Variants in MAPKAP1 observed in about 807,000 individuals in gnomAD.
The protein encoded by MAPKAP1 is target of rapamycin complex 2 subunit MAPKAP1.
MAPKAP1 carries 20 observed loss-of-function variants against 65.7 expected under a neutral mutation model. The observed-to-expected ratio is 0.30, with a 90% CI of 0.21 to 0.44. The LOEUF (loss-of-function observed/expected upper bound fraction) is 0.44, where lower values mean the gene tolerates loss of function less well. Among genes scored for constraint, MAPKAP1 ranks in the 20% least tolerant of loss-of-function variants. The pLI, the probability that MAPKAP1 is intolerant of heterozygous loss-of-function variation, is 1.00. For missense variants in MAPKAP1, 423 were observed against 648.0 expected, an observed-to-expected ratio of 0.65 and a Z score of 3.77; for synonymous variants, 222 against 244.3, an observed-to-expected ratio of 0.91 and a Z score of 0.85.
intron 10 of MAPKAP1, among the ~76,000 whole-genome samples, chr9:125,448,802 T>C (rs10986762): frequency 0.74 from 112,320 of 151,994 alleles, 41,936 homozygotes; most frequent in African/African-American, 0.85. Flanking sequence ...GTTAGGAGTT[T>C]GAGACCAGCC....
At chr9:125,530,756 C>T (rs532073010) in intron 7 of MAPKAP1, among the ~76,000 whole-genome samples, 1 of 152,344 alleles carries the variant, frequency 6.6e-6, no homozygotes, top group South Asian at 2.1e-4. Context: ...AAGGTAAAAA[C>T]TTTCTATAGA....
intron 5 of MAPKAP1, chr9:125,567,980 T>C (rs1831111748): frequency 6.6e-6 from 1 of 152,140 alleles, no homozygotes; most frequent in South Asian, 2.1e-4. Flanking sequence ...GGAGCACTGA[T>C]TGGACAACTT....
At position 125,439,134 on chromosome 9, in the gene MAPKAP1, G is replaced by A. The variant is rs1030839345; in HGVS notation, c.1444-122C>T. 1.0e-5 allele frequency: 11 copies of A among 1,091,468 alleles called. No homozygotes were observed. Among genetic ancestry groups the A allele is most frequent in the Middle Eastern group, 3.1e-4 (1 of 3,244 alleles). The allele number at this position is 1,091,468 out of a possible 1,614,324, so 67.6% of individuals were successfully genotyped here. A position where few individuals can be genotyped will look rare whatever the true frequency, so the allele number is the denominator to read the frequency against. Reference sequence around the variant, plus strand: ...GGGTGCCTCAGGGCCAGGTGCTGTCGTGTGGAAGGAGTCCAGTCATCACAG... The same window carrying A: ...GGGTGCCTCAGGGCCAGGTGCTGTCATGTGGAAGGAGTCCAGTCATCACAG... On this transcript the variant is annotated intron_variant, in intron 11 of 11. Transcript: ENST00000265960. The surrounding 1 kb of genome is among the most constrained non-coding windows in gnomAD (Gnocchi z 4.0).
intron 9 of MAPKAP1, among the ~76,000 whole-genome samples, chr9:125,483,212 A>G (rs1854381633): frequency 6.6e-6 from 1 of 152,204 alleles, no homozygotes; most frequent in South Asian, 2.1e-4. Context: ...TGATATTCCC[A>G]TTCAAGCAGG....
intron 10 of MAPKAP1, among the ~76,000 whole-genome samples, chr9:125,452,981 C>A (rs571880992): frequency 1.3e-5 from 2 of 152,080 alleles, no homozygotes; most frequent in African/African-American, 4.8e-5. Context: ...AATAATACAC[C>A]CATTACAAAT....
chr9:125,537,878 T>C (rs989539279), intron 7 of MAPKAP1, among the ~76,000 whole-genome samples: 1 of 152,216 alleles, frequency 6.6e-6, no homozygotes, highest in Admixed American at 6.5e-5. Context: ...TTATGGAGAC[T>C]GACCCTGCTG....
rs142689720 is a variant in MAPKAP1, at chr9:125,672,133, C to T, written c.259+183G>A. 3.9e-5 allele frequency among the ~76,000 whole-genome samples: 6 copies of T among 152,236 alleles called. No individual in the cohort carries two copies. The East Asian group carries it at 9.6e-4, about 24-fold the overall frequency. ...CTACTTCTAATAATATTCTAGAGGCCCTCTCCATTCGCAGTCGCAGAGATG... is the reference window on the plus strand; with the variant it reads ...CTACTTCTAATAATATTCTAGAGGCTCTCTCCATTCGCAGTCGCAGAGATG... On this transcript the variant is annotated intron_variant, in intron 2 of 11. Coordinates refer to ENST00000265960, the MANE Select transcript of MAPKAP1 (RefSeq NM_001006617.3).
Position 125,622,887 on chromosome 9 carries a change from G to C in MAPKAP1, c.498+34764C>G, listed in dbSNP as rs532226475. On this transcript the variant is annotated intron_variant, in intron 4 of 11. Coordinates refer to ENST00000265960, the MANE Select transcript of MAPKAP1 (RefSeq NM_001006617.3). ...AGCTGGACTGTACTGCTGCCATCTC[G>C]GCTCACTGCAACCTCCCTGCCTGAT... Among the ~76,000 whole-genome samples, 1,102 of 152,080 alleles carry C rather than the reference G, an allele frequency of 7.2e-3. 5 individuals carry two copies. Among genetic ancestry groups the C allele is most frequent in the Non-Finnish European group, 0.011 (760 of 67,974 alleles).
At chr9:125,608,810 A>T (rs946947096) in intron 4 of MAPKAP1, among the ~76,000 whole-genome samples, 1 of 152,230 alleles carries the variant, frequency 6.6e-6, no homozygotes, top group African/African-American at 2.4e-5. Flanking sequence ...CAAACGTTTC[A>T]AATAAGCCAA....
chr9:125,646,750 A>C (rs942241199), intron 4 of MAPKAP1, among the ~76,000 whole-genome samples: 2 of 152,262 alleles, frequency 1.3e-5, no homozygotes, highest in Non-Finnish European at 2.9e-5. Flanking sequence ...TAGGAAGAGA[A>C]AATGAAAGTC....
chr9:125,594,954 A>G (rs1279588177), intron 4 of MAPKAP1, among the ~76,000 whole-genome samples: 2 of 152,226 alleles, frequency 1.3e-5, no homozygotes, highest in African/African-American at 4.8e-5. Flanking sequence ...AAATATCCCC[A>G]GCACCTAACA....
At chr9:125,578,963 C>T (rs1831533751) in intron 5 of MAPKAP1, among the ~76,000 whole-genome samples, 2 of 152,176 alleles carry the variant, frequency 1.3e-5, no homozygotes, top group African/African-American at 4.8e-5. Context: ...GCATAGTAAG[C>T]AGCCAAATAT....
intron 7 of MAPKAP1, among the ~76,000 whole-genome samples, chr9:125,541,117 C>T (rs1021942862): frequency 2.0e-5 from 3 of 152,146 alleles, no homozygotes; most frequent in African/African-American, 7.2e-5. Flanking sequence ...ATAAATAACG[C>T]AGATCACTGT....
At chr9:125,459,769 A>T in intron 10 of MAPKAP1, among the ~76,000 whole-genome samples, 1 of 145,448 alleles carries the variant, frequency 6.9e-6, no homozygotes, top group African/African-American at 2.5e-5. Context: ...GCAGCAGTAC[A>T]GTCCAGCTTC....
intron 7 of MAPKAP1, among the ~76,000 whole-genome samples, chr9:125,534,410 G>A (rs750717985): frequency 5.9e-5 from 9 of 152,058 alleles, no homozygotes; most frequent in Non-Finnish European, 1.3e-4. Context: ...CAGGAGATCT[G>A]GCCACAGATC....
At chr9:125,445,774 T>C (rs1309520553) in intron 10 of MAPKAP1, among the ~76,000 whole-genome samples, 1 of 152,260 alleles carries the variant, frequency 6.6e-6, no homozygotes, top group African/African-American at 2.4e-5. Context: ...ATCCTTGGGT[T>C]CTAGGAGACT....
At position 125,585,683 on chromosome 9, in the gene MAPKAP1, G is replaced by T. The variant is rs1244553500; in HGVS notation, c.543C>A (p.Leu181=). 5 of 1,614,216 alleles carry T rather than the reference G, an allele frequency of 3.1e-6. No individual in the cohort carries two copies. The highest frequency in any genetic ancestry group is 4.2e-6 in the Non-Finnish European group (5 of 1,180,048). Residue 181 remains leucine (L), a synonymous_variant, in exon 5 of 12, where the codon CTC becomes CTA. Transcript: ENST00000265960. ...TTATKKIDVY[L]PLHSSQDRLL... is the part of the protein sequence containing the mutation. ...GTCTGTCCTGGCTCGAGTGCAGAGG[G>T]AGGTAGACATCGATCTTCTTGGTTG...
At position 125,437,748 on chromosome 9, in the gene MAPKAP1, A is replaced by T. The variant is rs992779570; in HGVS notation, c.*1139T>A. ...TTCTAATGCAGGTCCTCAGTGAAAC[A>T]CCGGTCCCCGGCCCTGGCTGGGGAC... On this transcript the variant is annotated 3_prime_UTR_variant, in exon 12 of 12. Coordinates refer to ENST00000265960, the MANE Select transcript of MAPKAP1 (RefSeq NM_001006617.3). 2 of 152,288 alleles carry T rather than the reference A, an allele frequency of 1.3e-5. No homozygotes were observed. Among genetic ancestry groups the T allele is most frequent in the Non-Finnish European group, 2.9e-5 (2 of 68,048 alleles). 9.4% of individuals were successfully genotyped at this position (152,288 alleles called of 1,614,324 possible).
rs148090281 is a variant in MAPKAP1, at chr9:125,685,160, T to C, written c.-69-12517A>G. Among the ~76,000 whole-genome samples the C allele has an allele frequency of 4.0e-3, 612 of 152,034 alleles. 3 individuals are homozygous for C. Among genetic ancestry groups the C allele is most frequent in the African/African-American group, 0.014 (567 of 41,468 alleles). ...AGAAAACACAGCAGAGAAGGCAAAG[T>C]CCTGCCCTCATGGCAGGACAAAGAA... is the stretch of plus-strand genomic sequence containing the variant. On this transcript the variant is annotated intron_variant, in intron 1 of 11. Transcript: ENST00000265960.
Sources: gnomAD v4.1 joint callset for allele counts (sites outside exome capture counted in the v4.1 genomes callset) on GRCh38, gnomAD v4.1.1 for gene constraint, Gnocchi (gnomAD v3.1) non-coding constraint, MANE v1.5 for transcripts, NCBI Gene and HGNC (gene_info 2026-07-23, HGNC 2026-07-21) for gene names.